The following PTH2R variants were observed in gnomAD, a reference collection of about 807,000 sequenced individuals.
The protein encoded by PTH2R is parathyroid hormone 2 receptor.
PTH2R carries 59 observed loss-of-function variants against 60.3 expected under a neutral mutation model. The ratio of observed to expected loss-of-function variants is 0.98; its 90% CI spans 0.79 to 1.22. The LOEUF (loss-of-function observed/expected upper bound fraction) is 1.22. Among genes scored for constraint, PTH2R ranks in the 50% most tolerant of loss-of-function variants. The pLI, the probability that PTH2R is intolerant of heterozygous loss-of-function variation, is 0.00. For missense variants in PTH2R, 749 were observed against 682.6 expected, an observed-to-expected ratio of 1.10 and a Z score of -1.08; for synonymous variants, 256 against 243.8, an observed-to-expected ratio of 1.05 and a Z score of -0.47.
Position 208,444,721 on chromosome 2 carries a change from T to G in PTH2R, c.700-13T>G, listed in dbSNP as rs78178690. 10,017 of 1,609,952 alleles carry G rather than the reference T, an allele frequency of 6.2e-3. 502 individuals are homozygous for G. In the African/African-American group the frequency reaches 0.12, roughly 19 times the overall value. On this transcript the variant is annotated splice_polypyrimidine_tract_variant and intron_variant, in intron 6 of 12. Coordinates refer to ENST00000272847, the MANE Select transcript of PTH2R (RefSeq NM_005048.4). ...TGTTCTAATATGATGAAATTCTGGTTTATTTGTAATAGATCGGGTGCAAGA... is the reference window on the plus strand; with the variant it reads ...TGTTCTAATATGATGAAATTCTGGTGTATTTGTAATAGATCGGGTGCAAGA...
intron 1 of PTH2R, among the ~76,000 whole-genome samples, chr2:208,395,251 G>A (rs533943206): frequency 6.6e-6 from 1 of 152,114 alleles, no homozygotes; most frequent in East Asian, 1.9e-4. Flanking sequence ...GTTTCACCAT[G>A]TTAACCAGGA....
chr2:208,485,430 G>A (rs1219842570), intron 10 of PTH2R, among the ~76,000 whole-genome samples: 1 of 152,156 alleles, frequency 6.6e-6, no homozygotes, highest in Non-Finnish European at 1.5e-5. Flanking sequence ...CAGAGAGCCA[G>A]GGTATAAAAA....
chr2:208,408,564 C>T (rs565452385), intron 1 of PTH2R, among the ~76,000 whole-genome samples: 2 of 151,798 alleles, frequency 1.3e-5, no homozygotes, highest in South Asian at 2.1e-4. Flanking sequence ...TGGTGGCTCA[C>T]GCCTGTAATC....
chr2:208,405,824 G>A (rs1701391272), upstream of PTH2R, among the ~76,000 whole-genome samples: 1 of 152,126 alleles, frequency 6.6e-6, no homozygotes. Context: ...TTATAAAAGA[G>A]ACCTCAGAAA....
At chr2:208,454,084 C>T (rs1702461585) in intron 8 of PTH2R, among the ~76,000 whole-genome samples, 1 of 152,126 alleles carries the variant, frequency 6.6e-6, no homozygotes. Context: ...TTTCAGTTGG[C>T]TCAAATGGAC....
chr2:208,368,204 C>T (rs1029388356), intron 1 of PTH2R, among the ~76,000 whole-genome samples: 1 of 152,280 alleles, frequency 6.6e-6, no homozygotes, highest in African/African-American at 2.4e-5. Flanking sequence ...CTTCGACTAC[C>T]CAACTTTGAC....
intron 8 of PTH2R, among the ~76,000 whole-genome samples, chr2:208,457,915 A>G (rs986537334): frequency 2.6e-5 from 4 of 152,186 alleles, no homozygotes; most frequent in African/African-American, 7.2e-5. Context: ...TAAGTTCGTG[A>G]TAAGTTCATT....
At chr2:208,368,776 A>G (rs1487893676) in intron 1 of PTH2R, among the ~76,000 whole-genome samples, 1 of 152,214 alleles carries the variant, frequency 6.6e-6, no homozygotes, top group Non-Finnish European at 1.5e-5. Context: ...TGGTAGATTA[A>G]TTTGGCACTG....
At chr2:208,490,476 T>C (rs1056525399) in intron 11 of PTH2R, among the ~76,000 whole-genome samples, 163 bp from the exon 12 acceptor site, 2 of 152,226 alleles carry the variant, frequency 1.3e-5, no homozygotes, top group South Asian at 4.1e-4. Context: ...ACAAATTTAA[T>C]GTAAACATAA....
At chr2:208,360,185 C>G (rs1472165996) in exon 1 of PTH2R, 1 of 454,440 alleles carries the variant, frequency 2.2e-6, no homozygotes, top group Non-Finnish European at 4.4e-6. Flanking sequence ...TCTTCTTTTT[C>G]TACGATAAAT....
intron 10 of PTH2R, among the ~76,000 whole-genome samples, chr2:208,488,262 C>T (rs757021198): frequency 7.9e-5 from 12 of 152,086 alleles, no homozygotes; most frequent in Non-Finnish European, 1.5e-4. Context: ...GATGAACTGA[C>T]CACATATGGC....
At chr2:208,378,797 A>T (rs1700858311) in intron 1 of PTH2R, among the ~76,000 whole-genome samples, 1 of 152,110 alleles carries the variant, frequency 6.6e-6, no homozygotes, top group African/African-American at 2.4e-5. Context: ...AGCAGCCTGA[A>T]TGGACTCAGG....
At chr2:208,408,715 GAAAGGAA>G (rs1701471317) in intron 1 of PTH2R, among the ~76,000 whole-genome samples, 2 of 69,820 alleles carry the variant, frequency 2.9e-5, no homozygotes, top group African/African-American at 2.7e-4. Context: ...AGAAAGAGAA[GAAAGGAA>G]AGAGAGAGAG....
At chr2:208,372,864 C>T (rs1005160082) in intron 1 of PTH2R, among the ~76,000 whole-genome samples, 2 of 152,018 alleles carry the variant, frequency 1.3e-5, no homozygotes, top group African/African-American at 4.8e-5. Flanking sequence ...ACAGGTGGAT[C>T]GCCTGAGCTC....
intron 1 of PTH2R, among the ~76,000 whole-genome samples, chr2:208,390,041 C>A (rs1211476633): frequency 6.6e-6 from 1 of 152,166 alleles, no homozygotes; most frequent in African/African-American, 2.4e-5. Context: ...ATTGGGACTT[C>A]CAACCAGGAG....
At chr2:208,422,082 C>T (rs959660) in intron 1 of PTH2R, among the ~76,000 whole-genome samples, 112,104 of 152,084 alleles carry the variant, frequency 0.74, 45,062 homozygotes, top group East Asian at 0.94. Flanking sequence ...GTCTGAAGGT[C>T]GGAGAACCAG....
intron 10 of PTH2R, among the ~76,000 whole-genome samples, chr2:208,483,323 A>G (rs545502270): frequency 6.6e-6 from 1 of 152,354 alleles, no homozygotes; most frequent in East Asian, 1.9e-4. Flanking sequence ...GACATAGGCC[A>G]AAGGATAGAA....
intron 10 of PTH2R, among the ~76,000 whole-genome samples, chr2:208,487,738 G>A (rs1390252950): frequency 6.6e-6 from 1 of 152,148 alleles, no homozygotes; most frequent in Non-Finnish European, 1.5e-5. Context: ...AGGTTGGACT[G>A]GGGAAGAATC....
At position 208,493,818 on chromosome 2, in the gene PTH2R, T is replaced by G; in HGVS notation, c.*159T>G. On this transcript the variant is annotated 3_prime_UTR_variant, in exon 13 of 13. Coordinates refer to ENST00000272847, the MANE Select transcript of PTH2R (RefSeq NM_005048.4). ...TCCATGAATTGGCTCCTGTAAATAC[T>G]AACGACATGAAAATGCAAGTGTCAA... 1.4e-6 allele frequency: 1 copy of G among 690,638 alleles called. No homozygotes were observed. The highest frequency in any genetic ancestry group is 2.2e-6 in the Non-Finnish European group (1 of 455,180). 42.8% of individuals were successfully genotyped at this position (690,638 alleles called of 1,614,324 possible). A position where few individuals can be genotyped will look rare whatever the true frequency, so the allele number is the denominator to read the frequency against.
Sources: gnomAD v4.1 joint callset for allele counts (sites outside exome capture counted in the v4.1 genomes callset) on GRCh38, gnomAD v4.1.1 for gene constraint, MANE v1.5 for transcripts, NCBI Gene and HGNC (gene_info 2026-07-23, HGNC 2026-07-21) for gene names.